The following TCOF1 variants were observed in gnomAD, a reference collection of about 807,000 sequenced individuals.
TCOF1 encodes the protein treacle protein.
Under a neutral mutation model 149.0 loss-of-function variants are expected in TCOF1, and 33 were observed. The ratio of observed to expected loss-of-function variants is 0.22; its 90% CI spans 0.17 to 0.30. The LOEUF is 0.30. TCOF1 is among the 10% of genes least tolerant of loss of function. TCOF1 has a pLI of 1.00. For synonymous variants in TCOF1, 789 were observed against 738.8 expected, an observed-to-expected ratio of 1.07 and a Z score of -1.10; for missense variants, 1,728 against 1,840.7, an observed-to-expected ratio of 0.94 and a Z score of 1.12.
rs1450638257 is a variant in TCOF1, at chr5:150,366,724, G to A, written c.305-1120G>A. Among the ~76,000 whole-genome samples the A allele has an allele frequency of 2.3e-4, 5 of 21,898 alleles. 2 individuals are homozygous for A. The highest frequency in any genetic ancestry group is 1.3e-3 in the African/African-American group (3 of 2,296). 14.4% of individuals were successfully genotyped at this position (21,898 alleles called of 152,430 possible). A position where few individuals can be genotyped will look rare whatever the true frequency, so the allele number is the denominator to read the frequency against. On this transcript the variant is annotated intron_variant, in intron 3 of 26. Transcript: ENST00000643257. ...CTGCGGACTGCAGTGGCGCAATCTC[G>A]GCTCACTGCAAGCTCCGCTTCCCGG...
rs1452105238 is a variant in TCOF1 at position 150,357,724 on chromosome 5, C to A, written c.-23C>A. On this transcript the variant is annotated 5_prime_UTR_variant, in exon 1 of 27. Coordinates refer to ENST00000643257, the MANE Select transcript of TCOF1 (RefSeq NM_001371623.1). Reference sequence around the variant, plus strand: ...GGACTAAGGCGGGGCGTGCAGGTAGCCGGCCGGCCGGGGGTCGCGGGTATG... The same window carrying A: ...GGACTAAGGCGGGGCGTGCAGGTAGACGGCCGGCCGGGGGTCGCGGGTATG... 3 of 1,542,684 alleles carry A rather than the reference C, an allele frequency of 1.9e-6. No individual in the cohort carries two copies. The highest frequency in any genetic ancestry group is 2.0e-5 in the Admixed American group (1 of 50,900).
rs1257345606 is a variant in TCOF1 at position 150,375,837 on chromosome 5, C to A, written c.1821C>A (p.Asn607Lys). 1.9e-6 allele frequency: 3 copies of A among 1,614,072 alleles called. No homozygotes were observed. The African/African-American group carries it at 4.0e-5, about 22-fold the overall frequency. The change falls in exon 12 of 27, where the codon AAC becomes AAA. Residue 607 changes from asparagine to lysine, a missense_variant. This residue lies in a region of TCOF1 where 1,696 missense variants were observed against 1,765.4 expected (regional missense o/e 0.96). Transcript: ENST00000643257. ...TCAAGGCTGAAAAGCCCATGGACAA[C>A]TCGGAGAGCAGCGAGGAGTCATCGG... ...VQVKAEKPMD[N>K]SESSEESSDS...
At position 150,388,020 on chromosome 5, in the gene TCOF1, C is replaced by G; in HGVS notation, c.2978C>G (p.Thr993Arg). The change falls in exon 18 of 27, where the codon ACA becomes AGA. Residue 993 changes from threonine (T) to arginine (R), a missense_variant. This residue lies in a region of TCOF1 where 1,696 missense variants were observed against 1,765.4 expected (regional missense o/e 0.96). Coordinates refer to ENST00000643257, the MANE Select transcript of TCOF1 (RefSeq NM_001371623.1). ...AGGAAGGCCCGAGCCTCGGAGAGCACAGCCAGGAGCTCCTCCTCCGAGAGC... is the reference window on the plus strand; with the variant it reads ...AGGAAGGCCCGAGCCTCGGAGAGCAGAGCCAGGAGCTCCTCCTCCGAGAGC... ...TPRKARASES[T>R]ARSSSSESED... 1 of 1,613,870 alleles carries G rather than the reference C, an allele frequency of 6.2e-7. No homozygotes were observed. Among genetic ancestry groups the G allele is most frequent in the Non-Finnish European group, 8.5e-7 (1 of 1,180,046 alleles).
intron 2 of TCOF1, among the ~76,000 whole-genome samples, chr5:150,361,938 C>T (rs1466360127): frequency 6.6e-6 from 1 of 152,048 alleles, no homozygotes; most frequent in Non-Finnish European, 1.5e-5. Flanking sequence ...AGCAGTGGGG[C>T]CATGGTAGGG....
At position 150,375,067 on chromosome 5, in the gene TCOF1, C is replaced by T. The variant is rs780873134; in HGVS notation, c.1392C>T (p.Ala464=). 4 of 1,614,028 alleles carry T rather than the reference C, an allele frequency of 2.5e-6. No homozygotes were observed. The highest frequency in any genetic ancestry group is 1.7e-5 in the Admixed American group (1 of 60,008). The stretch of plus-strand genomic sequence containing the variant: ...CTAGGAAAACAGGGCCTGCAGCCGC[C>T]CAGGTCCAGGTGGGGAAGCAGGAGG... ...APPRKTGPAA[A]QVQVGKQEED... Residue 464 remains alanine (A), a synonymous_variant, in exon 10 of 27, where the codon GCC becomes GCT. Transcript: ENST00000643257.
chr5:150,375,850 G>A lies in TCOF1; in HGVS notation c.1834G>A (p.Glu612Lys), dbSNP rs1763656958. 13 of 1,614,086 alleles carry A rather than the reference G, an allele frequency of 8.1e-6. No homozygotes were observed. The highest frequency in any genetic ancestry group is 1.0e-5 in the Non-Finnish European group (12 of 1,180,044). ...EKPMDNSESS[E>K]ESSDSADSEE... is the part of the protein sequence containing the mutation. ...GCCCATGGACAACTCGGAGAGCAGC[G>A]AGGAGTCATCGGACAGTGCGGACAG... The change falls in exon 12 of 27, where the codon GAG (glutamate) becomes AAG (lysine). Residue 612 changes from glutamate (E) to lysine (K), a missense_variant. Coordinates refer to ENST00000643257, the MANE Select transcript of TCOF1 (RefSeq NM_001371623.1).
At chr5:150,363,969 T>G in intron 2 of TCOF1, 144 bp from the exon 3 acceptor site, 1 of 1,144,166 alleles carries the variant, frequency 8.7e-7, no homozygotes, top group African/African-American at 1.5e-5. Context: ...TACAAAATTG[T>G]GCCTATACTG....
chr5:150,391,531 T>C lies in TCOF1; in HGVS notation c.3184-13T>C, dbSNP rs754531291. On this transcript the variant is annotated splice_polypyrimidine_tract_variant and intron_variant, in intron 19 of 26. Coordinates refer to ENST00000643257, the MANE Select transcript of TCOF1 (RefSeq NM_001371623.1). ...GACTTGTGAGTCTGAGGGCTACCTC[T>C]TGCCACCCACAGGTGTCAAAGAAGA... 1.9e-6 allele frequency: 3 copies of C among 1,611,402 alleles called. No individual in the cohort carries two copies. Among genetic ancestry groups the C allele is most frequent in the Non-Finnish European group, 2.5e-6 (3 of 1,177,592 alleles).
At position 150,400,277 on chromosome 5, in the gene TCOF1, G is replaced by A. The variant is rs1357055250; in HGVS notation, c.*490G>A. 1.3e-5 allele frequency: 2 copies of A among 151,384 alleles called. No homozygotes were observed. The highest frequency in any genetic ancestry group is 4.9e-5 in the African/African-American group (2 of 41,192). 9.4% of individuals were successfully genotyped at this position (151,384 alleles called of 1,614,324 possible). ...TTAATAACTCAAAAAAAAAATAAAAGACTTGGAGGAAGGGTGCAAGCTCCC... is the reference window on the plus strand; with the variant it reads ...TTAATAACTCAAAAAAAAAATAAAAAACTTGGAGGAAGGGTGCAAGCTCCC... On this transcript the variant is annotated 3_prime_UTR_variant, in exon 27 of 27. Transcript: ENST00000643257.
At chr5:150,376,716 G>A (rs1763894989) in intron 14 of TCOF1, 96 bp downstream of exon 14, 1 of 1,309,138 alleles carries the variant, frequency 7.6e-7, no homozygotes, top group Non-Finnish European at 1.1e-6. Context: ...GCCTGCAGGT[G>A]TGCAGAAGCC....
intron 26 of TCOF1, among the ~76,000 whole-genome samples, chr5:150,399,436 C>T (rs1167991905): frequency 6.6e-6 from 1 of 152,152 alleles, no homozygotes; most frequent in Non-Finnish European, 1.5e-5. Flanking sequence ...AACTTGGGGG[C>T]ATTTCCTTTT....
At chr5:150,380,262 AG>A in intron 17 of TCOF1, 1 of 183,392 alleles carries the variant, frequency 5.5e-6, no homozygotes, top group Admixed American at 5.3e-5. Flanking sequence ...CGTAGCTAAA[AG>A]TGTCCTGGGT....
chr5:150,380,069 T>TAA (rs1764745256), intron 17 of TCOF1: 3 of 138,574 alleles, frequency 2.2e-5, no homozygotes, highest in Admixed American at 8.0e-5. Context: ...TGAGACTGTC[T>TAA]CAAAAAAAAA....
intron 20 of TCOF1, 44 bp from the exon 21 acceptor site, chr5:150,391,913 T>A: frequency 6.3e-7 from 1 of 1,597,334 alleles, no homozygotes; most frequent in Non-Finnish European, 8.6e-7. Flanking sequence ...AGGTCTTACT[T>A]GCCCTAATTT....
chr5:150,393,196 C>T (rs41287130), intron 22 of TCOF1, 176 bp from the exon 23 acceptor site: 2 of 706,884 alleles, frequency 2.8e-6, no homozygotes, highest in Non-Finnish European at 4.9e-6. Flanking sequence ...GTTCAGGAGG[C>T]ACACGCCAAG....
At position 150,374,309 on chromosome 5, in the gene TCOF1, G is replaced by A; in HGVS notation, c.1006G>A (p.Glu336Lys). Residue 336 changes from glutamate to lysine, a missense_variant, in exon 8 of 27, where the codon GAG becomes AAG. Transcript: ENST00000643257. ...VASQTKAGKP[E>K]EDSESSSEES... ...CTCCCAGACCAAGGCAGGGAAGCCA[G>A]AGGAGGACTCAGAGAGCAGCAGCGA... 1.3e-6 allele frequency: 2 copies of A among 1,585,832 alleles called. No individual in the cohort carries two copies. The highest frequency in any genetic ancestry group is 1.7e-6 in the Non-Finnish European group (2 of 1,165,052).
intron 3 of TCOF1, among the ~76,000 whole-genome samples, chr5:150,367,323 G>A (rs557138919): frequency 6.6e-6 from 1 of 152,288 alleles, no homozygotes; most frequent in South Asian, 2.1e-4. Context: ...AATAAGCACT[G>A]AGAATCAGTG....
At chr5:150,379,877 G>T in intron 17 of TCOF1, 145 bp downstream of exon 17, 1 of 980,106 alleles carries the variant, frequency 1.0e-6, no homozygotes, top group Non-Finnish European at 1.6e-6. Flanking sequence ...TTCAAGACCA[G>T]CCTGGCCAAC....
intron 6 of TCOF1, among the ~76,000 whole-genome samples, chr5:150,371,565 G>C (rs979008360): frequency 1.3e-5 from 2 of 152,198 alleles, no homozygotes; most frequent in African/African-American, 4.8e-5. Context: ...TTTGCCCAAG[G>C]TGTGGCAAGC....
Sources: allele counts gnomAD v4.1 joint callset (sites outside exome capture counted in the v4.1 genomes callset), GRCh38; gene constraint gnomAD v4.1.1; regional missense constraint gnomAD v4.1.1; transcripts MANE v1.5; gene names NCBI Gene and HGNC (gene_info 2026-07-23, HGNC 2026-07-21).